Variants in NMBR observed in about 807,000 individuals in gnomAD.
The protein encoded by NMBR is neuromedin-B receptor.
Under a neutral mutation model 20.5 loss-of-function variants are expected in NMBR, and 16 were observed. The ratio of observed to expected loss-of-function variants is 0.78; its 90% CI spans 0.53 to 1.19. NMBR has a LOEUF of 1.19. Ranked by LOEUF, NMBR falls within the 50% of genes most tolerant of loss-of-function variation. The pLI is 0.00. For synonymous variants in NMBR, 212 were observed against 196.6 expected, an observed-to-expected ratio of 1.08 and a Z score of -0.65; for missense variants, 582 against 499.1, an observed-to-expected ratio of 1.17 and a Z score of -1.58.
chr6:142,124,199 T>C (rs1777994999), intron 1 of NMBR, among the ~76,000 whole-genome samples: 1 of 151,860 alleles, frequency 6.6e-6, no homozygotes. Context: ...CCCAAGAAGA[T>C]GAGGAAAGTA....
At chr6:142,125,381 T>C (rs1778012257) in intron 1 of NMBR, among the ~76,000 whole-genome samples, 1 of 111,024 alleles carries the variant, frequency 9.0e-6, no homozygotes, top group Admixed American at 8.9e-5. Flanking sequence ...ATATAAATCA[T>C]CCTTTATTTT....
chr6:142,079,146 AG>A (rs1777039763), intron 2 of NMBR, among the ~76,000 whole-genome samples: 1 of 94,566 alleles, frequency 1.1e-5, no homozygotes. Context: ...AGAAAGAAAA[AG>A]AAGAGAGGAG....
At chr6:142,134,540 C>T (rs1313645727) in intron 1 of NMBR, 2 of 548,236 alleles carry the variant, frequency 3.6e-6, no homozygotes, top group Non-Finnish European at 6.4e-6. Context: ...GTGTTCTAGG[C>T]ATTACAACTA....
chr6:142,133,018 G>A, intron 1 of NMBR: 1 of 481,782 alleles, frequency 2.1e-6, no homozygotes, highest in East Asian at 3.1e-5. Context: ...TAAAGGAGGA[G>A]GGGAGAGAAA....
At chr6:142,100,753 T>C (rs1355868303) in intron 1 of NMBR, among the ~76,000 whole-genome samples, 1 of 152,226 alleles carries the variant, frequency 6.6e-6, no homozygotes, top group African/African-American at 2.4e-5. Context: ...AATGTGCCAC[T>C]TTGATGAGGA....
intron 1 of NMBR, among the ~76,000 whole-genome samples, chr6:142,124,701 T>G (rs1778001504): frequency 6.6e-6 from 1 of 151,820 alleles, no homozygotes; most frequent in Non-Finnish European, 1.5e-5. Context: ...AATCATGCAG[T>G]TTAGGAATAT....
In NMBR at chr6:142,095,859, C is replaced by T. The variant is rs952532498; in HGVS notation, c.-663-6538G>A. Among the ~76,000 whole-genome samples, 6 of 152,258 alleles carry T rather than the reference C, an allele frequency of 3.9e-5. 1 individual carries two copies. The highest frequency in any genetic ancestry group is 1.4e-4 in the African/African-American group (6 of 41,556). On this transcript the variant is annotated intron_variant, in intron 1 of 3. Coordinates refer to ENST00000258042, the MANE Select transcript of NMBR (RefSeq NM_002511.4). ...GTTATTGGTCTATTCAGAGATCCAA[C>T]TTCTTCCTGGTTTAGTCTTGGGAGG...
intron 1 of NMBR, chr6:142,133,990 A>G: frequency 1.4e-6 from 1 of 702,542 alleles, no homozygotes; most frequent in Non-Finnish European, 2.6e-6. Flanking sequence ...AAAGAGAAGT[A>G]AACCTCTTCT....
At chr6:142,141,395 T>C (rs1439027198) in intron 1 of NMBR, among the ~76,000 whole-genome samples, 2 of 152,122 alleles carry the variant, frequency 1.3e-5, no homozygotes, top group Non-Finnish European at 1.5e-5. Context: ...TCAAAGTAAG[T>C]GGAAAGCAGT....
At chr6:142,122,145 C>T (rs965201392) in intron 1 of NMBR, among the ~76,000 whole-genome samples, 3 of 151,966 alleles carry the variant, frequency 2.0e-5, no homozygotes, top group African/African-American at 4.8e-5. Flanking sequence ...TTTCCTTTCA[C>T]CGCATTTTGT....
chr6:142,097,918 A>G (rs1441103087), intron 1 of NMBR, among the ~76,000 whole-genome samples: 1 of 152,144 alleles, frequency 6.6e-6, no homozygotes, highest in East Asian at 1.9e-4. Flanking sequence ...ACTTCATAAA[A>G]TTAGCAGCAG....
chr6:142,096,550 T>C (rs948935717), intron 1 of NMBR, among the ~76,000 whole-genome samples: 1 of 152,192 alleles, frequency 6.6e-6, no homozygotes, highest in Non-Finnish European at 1.5e-5. Context: ...TTTGTTATAA[T>C]TTCTGTTCTT....
chr6:142,142,808 A>G (rs1256304632), intron 1 of NMBR, among the ~76,000 whole-genome samples: 1 of 152,162 alleles, frequency 6.6e-6, no homozygotes, highest in Non-Finnish European at 1.5e-5. Flanking sequence ...TTATAGGCCA[A>G]GCACTGTGGT....
chr6:142,094,153 A>G (rs1777395291), intron 1 of NMBR, among the ~76,000 whole-genome samples: 1 of 151,920 alleles, frequency 6.6e-6, no homozygotes, highest in African/African-American at 2.4e-5. Flanking sequence ...TCTTTAGTTT[A>G]ATTAGATCCC....
chr6:142,103,104 G>A (rs1777595345), intron 1 of NMBR, among the ~76,000 whole-genome samples: 1 of 152,130 alleles, frequency 6.6e-6, no homozygotes, highest in Non-Finnish European at 1.5e-5. Flanking sequence ...AAGGTTCAAG[G>A]TGCCAAAGTT....
chr6:142,131,579 C>T (rs1037579806), intron 1 of NMBR, among the ~76,000 whole-genome samples: 3 of 152,150 alleles, frequency 2.0e-5, no homozygotes, highest in African/African-American at 4.8e-5. Flanking sequence ...ATCAGTCTCA[C>T]TAAGGATCAT....
chr6:142,076,607 A>G (rs543124644), intron 3 of NMBR, among the ~76,000 whole-genome samples: 3 of 152,338 alleles, frequency 2.0e-5, no homozygotes, highest in Non-Finnish European at 2.9e-5. Flanking sequence ...TTATATTGTC[A>G]CATTCACAAA....
chr6:142,093,181 T>C (rs1777365123), intron 1 of NMBR, among the ~76,000 whole-genome samples: 2 of 151,972 alleles, frequency 1.3e-5, no homozygotes, highest in Non-Finnish European at 2.9e-5. Context: ...CTTTAAGTTT[T>C]AGGGTACATG....
chr6:142,145,938 T>C (rs1367374829), intron 1 of NMBR, among the ~76,000 whole-genome samples: 1 of 152,042 alleles, frequency 6.6e-6, no homozygotes, highest in African/African-American at 2.4e-5. Flanking sequence ...AGGAAACAAA[T>C]AAATGAAAAG....
Sources: gnomAD v4.1 joint callset for allele counts (sites outside exome capture counted in the v4.1 genomes callset) on GRCh38, gnomAD v4.1.1 for gene constraint, MANE v1.5 for transcripts, NCBI Gene and HGNC (gene_info 2026-07-23, HGNC 2026-07-21) for gene names.